ST8SIA4: variants seen among roughly 807,000 people sequenced by gnomAD.
The protein encoded by ST8SIA4 is ST8 alpha-N-acetyl-neuraminide alpha-2,8-sialyltransferase 4, also known as CMP-N-acetylneuraminate-poly-alpha-2,8-sialyltransferase.
ST8SIA4 carries 15 observed loss-of-function variants against 33.9 expected under a neutral mutation model. The observed-to-expected ratio is 0.44, with a 90% CI of 0.30 to 0.68. The LOEUF (loss-of-function observed/expected upper bound fraction) is 0.68, where lower values mean the gene tolerates loss of function less well. Ranked by LOEUF, ST8SIA4 falls within the 30% of genes least tolerant of loss-of-function variation. The pLI, the probability that ST8SIA4 is intolerant of heterozygous loss-of-function variation, is 0.10. For synonymous variants in ST8SIA4, 171 were observed against 151.2 expected (o/e 1.13, Z -0.96); for missense variants, 321 against 428.0 (o/e 0.75, Z 2.21).
rs1752758877 is a variant in ST8SIA4, at chr5:100,895,391, T to C, written c.245+263A>G. On this transcript the variant is annotated intron_variant, in intron 2 of 4. Transcript: ENST00000231461. ...TTGAGTGAAGTATGTTAAATATCAG[T>C]ACTCTGCTGAATATTTTATTCCATT... 2.6e-5 allele frequency among the ~76,000 whole-genome samples: 4 copies of C among 152,080 alleles called. No homozygotes were observed. The South Asian group carries it at 6.2e-4, about 24-fold the overall frequency.
At chr5:100,892,430 A>G (rs954796250) in intron 2 of ST8SIA4, among the ~76,000 whole-genome samples, 1 of 152,148 alleles carries the variant, frequency 6.6e-6, no homozygotes, top group Non-Finnish European at 1.5e-5. Flanking sequence ...GTGAATCCTC[A>G]AAGTACAGTG....
intron 4 of ST8SIA4, among the ~76,000 whole-genome samples, chr5:100,835,437 G>A (rs1320190418): frequency 1.3e-5 from 2 of 151,926 alleles, no homozygotes; most frequent in Non-Finnish European, 2.9e-5. Context: ...TTCAACCAAA[G>A]TAAATGTGGC....
intron 4 of ST8SIA4, among the ~76,000 whole-genome samples, chr5:100,829,726 G>A (rs1399848484): frequency 2.0e-5 from 3 of 152,020 alleles, no homozygotes; most frequent in East Asian, 1.9e-4. Flanking sequence ...TGGCTAACAC[G>A]GTGAAACCCC....
At position 100,871,944 on chromosome 5, in the gene ST8SIA4, G is replaced by A. The variant is rs971330132; in HGVS notation, c.503+14399C>T. On this transcript the variant is annotated intron_variant, in intron 3 of 4. Coordinates refer to ENST00000231461, the MANE Select transcript of ST8SIA4 (RefSeq NM_005668.6). The stretch of plus-strand genomic sequence containing the variant: ...TCCCTAATCTTTAGAACATTTCACT[G>A]TATCACTCTTCTTAGTTCTGTATTT... 5.3e-5 allele frequency among the ~76,000 whole-genome samples: 8 copies of A among 152,086 alleles called. No homozygotes were observed. In the East Asian group the frequency reaches 1.2e-3, roughly 22 times the overall value.
In ST8SIA4 at chr5:100,873,763, G is replaced by A. The variant is rs1413011907; in HGVS notation, c.503+12580C>T. Among the ~76,000 whole-genome samples, 6 of 152,116 alleles carry A rather than the reference G, an allele frequency of 3.9e-5. No homozygotes were observed. In the East Asian group the frequency reaches 9.6e-4, roughly 24 times the overall value. ...AGGTGGGGAAGAGGAGACTAGGAGC[G>A]ATGGAATGAGACTTTGCTCTCTGCC... On this transcript the variant is annotated intron_variant, in intron 3 of 4. Transcript: ENST00000231461.
At chr5:100,814,493 C>T (rs1016851803) in intron 4 of ST8SIA4, among the ~76,000 whole-genome samples, 1 of 151,834 alleles carries the variant, frequency 6.6e-6, no homozygotes, top group Non-Finnish European at 1.5e-5. Flanking sequence ...GAAGAAACAA[C>T]ACAAAATAAA....
chr5:100,849,032 T>C (rs896810233), intron 4 of ST8SIA4: 61 of 752,768 alleles, frequency 8.1e-5, no homozygotes, highest in Non-Finnish European at 9.1e-5. Context: ...AGAATAAATA[T>C]CAAGAGAAAA....
chr5:100,867,050 T>A (rs1283380156), intron 3 of ST8SIA4, among the ~76,000 whole-genome samples: 1 of 152,126 alleles, frequency 6.6e-6, no homozygotes, highest in African/African-American at 2.4e-5. Context: ...ATATTTATGG[T>A]AGTCAACTAA....
intron 4 of ST8SIA4, among the ~76,000 whole-genome samples, chr5:100,818,848 G>A (rs1750983160): frequency 6.6e-6 from 1 of 152,138 alleles, no homozygotes; most frequent in Non-Finnish European, 1.5e-5. Flanking sequence ...ATTCTATTCA[G>A]TACCGATGTA....
chr5:100,832,016 C>T (rs1751273826), intron 4 of ST8SIA4, among the ~76,000 whole-genome samples: 1 of 151,952 alleles, frequency 6.6e-6, no homozygotes, highest in Admixed American at 6.6e-5. Flanking sequence ...AAGGAAGGAA[C>T]TTACCTATGA....
intron 3 of ST8SIA4, among the ~76,000 whole-genome samples, chr5:100,871,631 G>A (rs1159312769): frequency 6.6e-6 from 1 of 152,014 alleles, no homozygotes; most frequent in African/African-American, 2.4e-5. Context: ...ATAATAATTT[G>A]TGTCTCTAGT....
intron 3 of ST8SIA4, among the ~76,000 whole-genome samples, chr5:100,880,547 G>T (rs1752395933): frequency 6.6e-6 from 1 of 152,156 alleles, no homozygotes; most frequent in South Asian, 2.1e-4. Flanking sequence ...TATTGTTACT[G>T]GCAAGATATT....
intron 4 of ST8SIA4, among the ~76,000 whole-genome samples, chr5:100,849,713 C>G (rs1027067491): frequency 2.0e-5 from 3 of 151,876 alleles, no homozygotes; most frequent in African/African-American, 7.3e-5. Context: ...ATCAATCGCT[C>G]GAACTCAGAA....
chr5:100,852,450 A>G (rs1401683573), intron 4 of ST8SIA4, among the ~76,000 whole-genome samples: 1 of 145,056 alleles, frequency 6.9e-6, no homozygotes, highest in Admixed American at 7.0e-5. Flanking sequence ...TATTAAAAAA[A>G]AAAAATACAA....
intron 2 of ST8SIA4, among the ~76,000 whole-genome samples, chr5:100,887,423 A>G (rs1349884150): frequency 2.0e-5 from 3 of 152,106 alleles, no homozygotes; most frequent in African/African-American, 7.2e-5. Context: ...ATTAAATAGT[A>G]TATGAGTGGA....
chr5:100,848,392 T>C (rs1751612046), intron 4 of ST8SIA4, among the ~76,000 whole-genome samples: 1 of 150,362 alleles, frequency 6.7e-6, no homozygotes, highest in African/African-American at 2.4e-5. Context: ...CATATTTGTA[T>C]ATTTTATACT....
intron 4 of ST8SIA4, among the ~76,000 whole-genome samples, chr5:100,813,748 A>G (rs1750859438): frequency 6.6e-6 from 1 of 151,998 alleles, no homozygotes; most frequent in Non-Finnish European, 1.5e-5. Flanking sequence ...AAGTATTGTG[A>G]ATGTGATTTA....
chr5:100,888,200 G>GA lies in ST8SIA4; in HGVS notation c.246-1601dup, dbSNP rs1275706895. ...GTCCGGGACCCTAGTAGATTTTAAG[G>GA]AAAAAAAAAAAAACATATATATATA... is the stretch of plus-strand genomic sequence containing the variant. On this transcript the variant is annotated intron_variant, in intron 2 of 4. Coordinates refer to ENST00000231461, the MANE Select transcript of ST8SIA4 (RefSeq NM_005668.6). Among the ~76,000 whole-genome samples, 1,080 of 134,712 alleles carry GA rather than the reference G, an allele frequency of 8.0e-3. 8 individuals carry two copies. The highest frequency in any genetic ancestry group is 0.019 in the African/African-American group (716 of 36,840). The allele number at this position is 134,712 out of a possible 152,430, so 88.4% of individuals were successfully genotyped here. A position where few individuals can be genotyped will look rare whatever the true frequency, so the allele number is the denominator to read the frequency against.
intron 1 of ST8SIA4, chr5:100,900,424 G>A (rs981919397): frequency 4.4e-6 from 2 of 456,124 alleles, no homozygotes; most frequent in African/African-American, 2.0e-5. Context: ...TCAATGAGAT[G>A]ATTTGATGGT....
Sources: gnomAD v4.1 joint callset for allele counts (sites outside exome capture counted in the v4.1 genomes callset) on GRCh38, gnomAD v4.1.1 for gene constraint, MANE v1.5 for transcripts, NCBI Gene and HGNC (gene_info 2026-07-23, HGNC 2026-07-21) for gene names.